Variants in MAP3K14 observed in about 807,000 individuals in gnomAD.
MAP3K14 encodes the protein NF-kappa-beta-inducing kinase.
In MAP3K14, 16 loss-of-function variants were observed where a neutral mutation model predicts 99.2. The observed-to-expected ratio is 0.16, with a 90% CI of 0.11 to 0.24. MAP3K14 has a LOEUF of 0.24. Ranked by LOEUF, MAP3K14 falls within the 10% of genes least tolerant of loss-of-function variation. MAP3K14 has a pLI of 1.00. For missense variants in MAP3K14, 784 were observed against 1,208.7 expected (o/e 0.65, Z 5.21); for synonymous variants, 462 against 492.4 (o/e 0.94, Z 0.82).
Position 45,286,463 on chromosome 17 carries a change from T to C in MAP3K14, c.1120A>G (p.Thr374Ala). The C allele has an allele frequency of 6.2e-7, 1 of 1,601,188 alleles. No individual in the cohort carries two copies. Among genetic ancestry groups the C allele is most frequent in the East Asian group, 2.2e-5 (1 of 44,524 alleles). ...AGCAGGACACCCTCGTTGTCCTCAGTTTTGGGGCTGGGCTCCCGGGATCTG... is the reference window on the plus strand; with the variant it reads ...AGCAGGACACCCTCGTTGTCCTCAGCTTTGGGGCTGGGCTCCCGGGATCTG... ...GSRSREPSPK[T>A]EDNEGVLLTE... The change falls in exon 5 of 16, where the codon ACT becomes GCT. Residue 374 changes from threonine (T) to alanine (A), a missense_variant. Transcript: ENST00000344686. This position sits in a 1 kb window ranked among gnomAD's most constrained non-coding sequence, Gnocchi z 4.1.
At chr17:45,289,205 C>T (rs1379304275) in intron 3 of MAP3K14, 31 bp downstream of exon 3, 3 of 1,607,754 alleles carry the variant, frequency 1.9e-6, no homozygotes, top group East Asian at 2.2e-5. Context: ...CAGTCCCCAC[C>T]TTCCCACTCA....
chr17:45,290,360 G>C, intron 2 of MAP3K14, 130 bp downstream of exon 2: 1 of 1,175,054 alleles, frequency 8.5e-7, no homozygotes, highest in East Asian at 2.6e-5. Flanking sequence ...CAGACCTCTG[G>C]TTGTGTCTCA....
intron 5 of MAP3K14, among the ~76,000 whole-genome samples, chr17:45,285,978 A>G (rs1440530144): frequency 6.6e-6 from 1 of 152,052 alleles, no homozygotes; most frequent in Non-Finnish European, 1.5e-5. Context: ...AAAAAAAAAA[A>G]AAAAAAGTGG....
chr17:45,315,769 A>C (rs992872119), intron 1 of MAP3K14, among the ~76,000 whole-genome samples: 2 of 152,032 alleles, frequency 1.3e-5, no homozygotes. Flanking sequence ...CCACTCCCTC[A>C]TACACACCTG....
At chr17:45,284,067 C>G (rs1166135903) in intron 6 of MAP3K14, among the ~76,000 whole-genome samples, 1 of 152,184 alleles carries the variant, frequency 6.6e-6, no homozygotes, top group Non-Finnish European at 1.5e-5. Context: ...GCCCAGCATG[C>G]CACACTGTCC....
intron 1 of MAP3K14, among the ~76,000 whole-genome samples, chr17:45,313,996 T>A (rs1284570055): frequency 6.6e-6 from 1 of 152,190 alleles, no homozygotes; most frequent in Non-Finnish European, 1.5e-5. Flanking sequence ...ATAAAATTAT[T>A]CTTGATGCCA....
chr17:45,298,444 A>G (rs975048970), intron 1 of MAP3K14, among the ~76,000 whole-genome samples: 2 of 152,278 alleles, frequency 1.3e-5, no homozygotes, highest in South Asian at 2.1e-4. Context: ...CTAGATGCTG[A>G]CTAAAAGAAA....
intron 1 of MAP3K14, among the ~76,000 whole-genome samples, chr17:45,305,895 C>A (rs1042365686): frequency 6.6e-6 from 1 of 152,192 alleles, no homozygotes; most frequent in African/African-American, 2.4e-5. Flanking sequence ...ATTCTGCACA[C>A]CCCATCTGGC....
At chr17:45,307,840 T>G (rs1423246358) in intron 1 of MAP3K14, among the ~76,000 whole-genome samples, 1 of 152,206 alleles carries the variant, frequency 6.6e-6, no homozygotes, top group East Asian at 1.9e-4. Flanking sequence ...AGAACTCAGC[T>G]TCCACAGAAG....
Position 45,290,481 on chromosome 17 carries a change from G to A in MAP3K14, c.256+9C>T. The A allele has an allele frequency of 6.2e-7, 1 of 1,613,668 alleles. No individual in the cohort carries two copies. Among genetic ancestry groups the A allele is most frequent in the South Asian group, 1.1e-5 (1 of 91,072 alleles). Reference sequence around the variant, plus strand: ...CTGCCCCGTGCCCACAACAACCCTAGGCCCCTACACTCAGCCTGGGCGATG... The same window carrying A: ...CTGCCCCGTGCCCACAACAACCCTAAGCCCCTACACTCAGCCTGGGCGATG... On this transcript the variant is annotated intron_variant, in intron 2 of 15. Coordinates refer to ENST00000344686, the MANE Select transcript of MAP3K14 (RefSeq NM_003954.5).
intron 1 of MAP3K14, among the ~76,000 whole-genome samples, chr17:45,296,233 T>G (rs1191963126): frequency 6.6e-6 from 1 of 152,138 alleles, no homozygotes; most frequent in Non-Finnish European, 1.5e-5. Flanking sequence ...CTACTCAAAG[T>G]GCGGGGCTGG....
intron 1 of MAP3K14, among the ~76,000 whole-genome samples, chr17:45,315,053 G>A (rs1444168295): frequency 6.6e-6 from 1 of 151,850 alleles, no homozygotes. Context: ...GCCGAGGGCT[G>A]GACAACCAAT....
At chr17:45,301,831 CTCTT>C (rs2044390658) in intron 1 of MAP3K14, among the ~76,000 whole-genome samples, 1 of 143,512 alleles carries the variant, frequency 7.0e-6, no homozygotes, top group Non-Finnish European at 1.5e-5. Flanking sequence ...TTTCTCAGTT[CTCTT>C]TTTTTTTTTT....
intron 6 of MAP3K14, 135 bp from the exon 7 acceptor site, chr17:45,274,728 G>T: frequency 4.6e-6 from 5 of 1,082,566 alleles, no homozygotes; most frequent in East Asian, 2.6e-5. Context: ...GGCCTGGGGG[G>T]CCTGCTGGAC....
chr17:45,303,629 G>GA (rs1042624761), intron 1 of MAP3K14, among the ~76,000 whole-genome samples: 2 of 151,022 alleles, frequency 1.3e-5, no homozygotes, highest in Non-Finnish European at 2.9e-5. Context: ...ATTGTATATA[G>GA]AAAAAAAATC....
At position 45,275,504 on chromosome 17, in the gene MAP3K14, A is replaced by C. The variant is rs1037869871; in HGVS notation, c.1291-911T>G. 9.6e-4 allele frequency among the ~76,000 whole-genome samples: 145 copies of C among 151,078 alleles called. 1 individual carries two copies. Among genetic ancestry groups the C allele is most frequent in the South Asian group, 1.5e-3 (7 of 4,772 alleles). ...TCTCAAAAAAAAAAAACAAAAAAAA[A>C]CCCACAAAAAAACAAACAAAAAAAC... On this transcript the variant is annotated intron_variant, in intron 6 of 15. Coordinates refer to ENST00000344686, the MANE Select transcript of MAP3K14 (RefSeq NM_003954.5).
Position 45,271,074 on chromosome 17 carries a change from C to T in MAP3K14, c.1805G>A (p.Gly602Glu), listed in dbSNP as rs1218692346. 1.2e-6 allele frequency: 2 copies of T among 1,612,996 alleles called. No individual in the cohort carries two copies. The highest frequency in any genetic ancestry group is 8.5e-7 in the Non-Finnish European group (1 of 1,179,738). ...GTCACCGACCTTGAGGCAGAGCGGC[C>T]CTCGGAAGAACTGAGTCCAGGGGTG... ...GCHPWTQFFR[G>E]PLCLKIASEP... Residue 602 changes from glycine to glutamate, a missense_variant, in exon 10 of 16, where the codon GGG (glycine) becomes GAG (glutamate). Coordinates refer to ENST00000344686, the MANE Select transcript of MAP3K14 (RefSeq NM_003954.5).
At chr17:45,280,414 C>T (rs955446980) in intron 6 of MAP3K14, among the ~76,000 whole-genome samples, 3 of 151,284 alleles carry the variant, frequency 2.0e-5, no homozygotes, top group African/African-American at 7.3e-5. Context: ...AGCGATTCTC[C>T]TGCTTCAGCC....
At chr17:45,282,227 G>C (rs1267123115) in intron 6 of MAP3K14, 1 of 152,086 alleles carries the variant, frequency 6.6e-6, no homozygotes, top group Non-Finnish European at 1.5e-5. Flanking sequence ...GTGAGCCACT[G>C]TACCCAGCCT....
Sources: gnomAD v4.1 joint callset for allele counts (sites outside exome capture counted in the v4.1 genomes callset) on GRCh38, gnomAD v4.1.1 for gene constraint, Gnocchi (gnomAD v3.1) non-coding constraint, MANE v1.5 for transcripts, NCBI Gene and HGNC (gene_info 2026-07-23, HGNC 2026-07-21) for gene names.